The following SUSD6 variants were observed in gnomAD, a reference collection of about 807,000 sequenced individuals.
SUSD6 encodes sushi domain-containing protein 6.
A neutral mutation model predicts 28.4 loss-of-function variants in SUSD6; 16 were observed. That is an observed-to-expected ratio of 0.56 (90% CI 0.38 to 0.86). SUSD6 has a LOEUF of 0.86. Among genes scored for constraint, SUSD6 ranks in the 40% least tolerant of loss-of-function variants. The pLI is 0.00. For synonymous variants in SUSD6, 147 were observed against 159.6 expected (o/e 0.92, Z 0.59); for missense variants, 341 against 384.2 (o/e 0.89, Z 0.94).
intron 2 of SUSD6, among the ~76,000 whole-genome samples, chr14:69,661,260 G>T (rs1232159399): frequency 6.6e-6 from 1 of 152,034 alleles, no homozygotes; most frequent in African/African-American, 2.4e-5. Context: ...CCTCCCTTTT[G>T]TTGGCTTCAT....
intron 2 of SUSD6, among the ~76,000 whole-genome samples, chr14:69,686,913 G>C (rs1236674699): frequency 6.6e-6 from 1 of 152,166 alleles, no homozygotes; most frequent in African/African-American, 2.4e-5. Flanking sequence ...CCCACATGTT[G>C]TACTCATTTA....
At chr14:69,612,518 G>A (rs549150088) in intron 1 of SUSD6, among the ~76,000 whole-genome samples, 3 of 151,838 alleles carry the variant, frequency 2.0e-5, no homozygotes, top group African/African-American at 7.3e-5. Flanking sequence ...CTCCCTCATG[G>A]GAGTCGTGGC....
rs1886080215 is a variant in SUSD6 at position 69,686,801 on chromosome 14, A to G, written c.122-16594A>G. On this transcript the variant is annotated intron_variant, in intron 2 of 5. Transcript: ENST00000342745. Reference sequence around the variant, plus strand: ...CATCTCCCACCAGGTTCCTCCCACAACATGTGGGAATTATGGGAGCTACAA... The same window carrying G: ...CATCTCCCACCAGGTTCCTCCCACAGCATGTGGGAATTATGGGAGCTACAA... Among the ~76,000 whole-genome samples the G allele has an allele frequency of 2.0e-5, 3 of 152,110 alleles. No homozygotes were observed. The South Asian group carries it at 6.2e-4, about 31-fold the overall frequency.
At chr14:69,647,529 G>GC (rs919523215) in intron 1 of SUSD6, among the ~76,000 whole-genome samples, 1 of 152,012 alleles carries the variant, frequency 6.6e-6, no homozygotes, top group Non-Finnish European at 1.5e-5. Context: ...GAAGTAATAT[G>GC]CCCCATTTCA....
At chr14:69,683,929 T>G (rs910168666) in intron 2 of SUSD6, among the ~76,000 whole-genome samples, 1 of 152,208 alleles carries the variant, frequency 6.6e-6, no homozygotes, top group Admixed American at 6.5e-5. Context: ...CTTTTTGTCT[T>G]GGGTGAGTGT....
chr14:69,691,071 C>T (rs1220249978), intron 2 of SUSD6, among the ~76,000 whole-genome samples: 1 of 152,192 alleles, frequency 6.6e-6, no homozygotes. Context: ...GGTGCAGTGG[C>T]TCACATCTGT....
chr14:69,664,135 C>T (rs1014838325), intron 2 of SUSD6, among the ~76,000 whole-genome samples: 5 of 152,110 alleles, frequency 3.3e-5, no homozygotes, highest in East Asian at 3.9e-4. Flanking sequence ...CCCGCCACCA[C>T]GCCCAGCTAA....
At chr14:69,690,683 G>A (rs140264725) in intron 2 of SUSD6, among the ~76,000 whole-genome samples, 32 of 152,320 alleles carry the variant, frequency 2.1e-4, no homozygotes, top group African/African-American at 6.5e-4. Flanking sequence ...TGCTTTTCCC[G>A]TGGTGGTCAT....
intron 2 of SUSD6, among the ~76,000 whole-genome samples, chr14:69,667,501 C>A (rs1169612093): frequency 6.6e-6 from 1 of 151,236 alleles, no homozygotes; most frequent in Non-Finnish European, 1.5e-5. Context: ...CTCAGCCTCC[C>A]GAGTAGCTGG....
At chr14:69,652,045 C>A (rs114979807) in intron 1 of SUSD6, among the ~76,000 whole-genome samples, 2,050 of 152,308 alleles carry the variant, frequency 0.013, 44 homozygotes, top group African/African-American at 0.047. Flanking sequence ...GGAATAAACT[C>A]TGTTGTTCTG....
intron 1 of SUSD6, among the ~76,000 whole-genome samples, chr14:69,654,225 A>T (rs1223769214): frequency 6.6e-6 from 1 of 152,180 alleles, no homozygotes; most frequent in Non-Finnish European, 1.5e-5. Context: ...CCATTTCCAT[A>T]CCGGCTCCTC....
At chr14:69,699,533 A>T (rs1156610489) in intron 2 of SUSD6, among the ~76,000 whole-genome samples, 1 of 144,482 alleles carries the variant, frequency 6.9e-6, no homozygotes, top group Non-Finnish European at 1.5e-5. Context: ...TCTTAAAATG[A>T]CTTGCCTTTT....
At position 69,709,192 on chromosome 14, in the gene SUSD6, G is replaced by T. The variant is rs1886428515; in HGVS notation, c.886+88G>T. ...GGACTGTGAGCCTTTCTAAATAATT[G>T]GTATATTTTTAGCAAAAAAAAGATA... is the stretch of plus-strand genomic sequence containing the variant. On this transcript the variant is annotated intron_variant, in intron 5 of 5. Transcript: ENST00000342745. 7 of 1,243,052 alleles carry T rather than the reference G, an allele frequency of 5.6e-6. No homozygotes were observed. In the Admixed American group the frequency reaches 1.3e-4, roughly 22 times the overall value. The allele number at this position is 1,243,052 out of a possible 1,614,324, so 77.0% of individuals were successfully genotyped here.
chr14:69,713,971 A>G lies in SUSD6; in HGVS notation c.*2992A>G, dbSNP rs893762698. The G allele has an allele frequency of 1.3e-5, 2 of 151,356 alleles. No homozygotes were observed. Among genetic ancestry groups the G allele is most frequent in the African/African-American group, 4.9e-5 (2 of 41,118 alleles). The allele number at this position is 151,356 out of a possible 1,614,324, so 9.4% of individuals were successfully genotyped here. On this transcript the variant is annotated 3_prime_UTR_variant, in exon 6 of 6. Coordinates refer to ENST00000342745, the MANE Select transcript of SUSD6 (RefSeq NM_014734.4). Reference sequence around the variant, plus strand: ...ATCACTTAAAATATCCGTCCCTTCCATGCCTTAGTTTAGCAGGTAGGCTCT... The same window carrying G: ...ATCACTTAAAATATCCGTCCCTTCCGTGCCTTAGTTTAGCAGGTAGGCTCT...
chr14:69,672,859 G>T (rs1885854404), intron 2 of SUSD6, among the ~76,000 whole-genome samples: 1 of 152,210 alleles, frequency 6.6e-6, no homozygotes, highest in African/African-American at 2.4e-5. Flanking sequence ...CCTTCCGAAG[G>T]CTGGTCTCAC....
Position 69,704,581 on chromosome 14 carries a change from C to T in SUSD6, c.320-23C>T, listed in dbSNP as rs1263759396. 7 of 1,603,604 alleles carry T rather than the reference C, an allele frequency of 4.4e-6. No homozygotes were observed. In the South Asian group the frequency reaches 6.7e-5, roughly 15 times the overall value. ...TTGTGTATTTGGGTACAAAACCCTT[C>T]TGATGATGGCTTGTTTTTATAGATA... is the stretch of plus-strand genomic sequence containing the variant. On this transcript the variant is annotated intron_variant, in intron 3 of 5. Transcript: ENST00000342745.
chr14:69,670,285 T>G (rs1885810091), intron 2 of SUSD6, among the ~76,000 whole-genome samples: 1 of 151,990 alleles, frequency 6.6e-6, no homozygotes, highest in Non-Finnish European at 1.5e-5. Flanking sequence ...GAATGCAGAG[T>G]TATGGTTTAG....
chr14:69,665,212 T>C (rs574159390), intron 2 of SUSD6, among the ~76,000 whole-genome samples: 2 of 152,270 alleles, frequency 1.3e-5, no homozygotes, highest in African/African-American at 4.8e-5. Flanking sequence ...CACATGAAAA[T>C]CCGAATTCAC....
intron 2 of SUSD6, among the ~76,000 whole-genome samples, chr14:69,694,725 G>A (rs1886199706): frequency 6.6e-6 from 1 of 152,174 alleles, no homozygotes; most frequent in Non-Finnish European, 1.5e-5. Flanking sequence ...TTTGAGGCAG[G>A]GTGCAGTAAA....
Sources: gnomAD v4.1 joint callset for allele counts (sites outside exome capture counted in the v4.1 genomes callset) on GRCh38, gnomAD v4.1.1 for gene constraint, MANE v1.5 for transcripts, NCBI Gene and HGNC (gene_info 2026-07-23, HGNC 2026-07-21) for gene names.